Variants in R3HCC1L observed in about 807,000 individuals in gnomAD.
R3HCC1L encodes R3H domain and coiled-coil containing 1 like, also known as coiled-coil domain-containing protein R3HCC1L.
Under a neutral mutation model 59.9 loss-of-function variants are expected in R3HCC1L, and 51 were observed. The observed-to-expected ratio is 0.85, with a 90% CI of 0.68 to 1.07. The LOEUF (loss-of-function observed/expected upper bound fraction) is 1.07, where lower values mean the gene tolerates loss of function less well. Among genes scored for constraint, R3HCC1L ranks in the 50% least tolerant of loss-of-function variants. The probability of loss-of-function intolerance (pLI) is 0.00; values close to 1 mark genes in which losing one functional copy is unlikely to be tolerated. For missense variants in R3HCC1L, 965 were observed against 933.0 expected (o/e 1.03, Z -0.45); for synonymous variants, 322 against 315.2 (o/e 1.02, Z -0.23).
At chr10:98,175,364 A>G (rs1848907310) in intron 4 of R3HCC1L, among the ~76,000 whole-genome samples, 1 of 152,140 alleles carries the variant, frequency 6.6e-6, no homozygotes, top group Non-Finnish European at 1.5e-5. Context: ...CATAGAGTAC[A>G]TTTTGTGAAT....
intron 9 of R3HCC1L, among the ~76,000 whole-genome samples, chr10:98,242,066 C>T (rs1469186891): frequency 3.9e-5 from 6 of 152,090 alleles, no homozygotes; most frequent in Admixed American, 6.5e-5. Flanking sequence ...TGTTTCAGGC[C>T]GGGCACAGTG....
chr10:98,146,972 A>G (rs1845711875), intron 1 of R3HCC1L, among the ~76,000 whole-genome samples: 1 of 152,026 alleles, frequency 6.6e-6, no homozygotes, highest in Non-Finnish European at 1.5e-5. Context: ...TCATTTTTTG[A>G]GGAGCCTCCA....
At chr10:98,175,820 G>T (rs1307803891) in intron 4 of R3HCC1L, among the ~76,000 whole-genome samples, 1 of 151,980 alleles carries the variant, frequency 6.6e-6, no homozygotes, top group African/African-American at 2.4e-5. Context: ...TATTTTATGG[G>T]TCATGCTTTT....
At chr10:98,172,588 T>A (rs1237712660) in intron 4 of R3HCC1L, among the ~76,000 whole-genome samples, 1 of 152,198 alleles carries the variant, frequency 6.6e-6, no homozygotes, top group African/African-American at 2.4e-5. Flanking sequence ...CTGATAATGC[T>A]GCTTTCACCA....
chr10:98,201,881 ATTTTTTTTT>A (rs145665708), intron 4 of R3HCC1L, among the ~76,000 whole-genome samples: 2 of 143,346 alleles, frequency 1.4e-5, no homozygotes, highest in Non-Finnish European at 3.0e-5. Flanking sequence ...GAAAGATGAG[ATTTTTTTTT>A]TTTTTTTTTT....
At chr10:98,173,351 C>G (rs1430636031) in intron 4 of R3HCC1L, among the ~76,000 whole-genome samples, 1 of 152,140 alleles carries the variant, frequency 6.6e-6, no homozygotes, top group African/African-American at 2.4e-5. Context: ...TCCTTGACTG[C>G]TTTCTCTCAC....
intron 5 of R3HCC1L, among the ~76,000 whole-genome samples, chr10:98,222,273 T>C (rs1237113241): frequency 6.6e-6 from 1 of 152,116 alleles, no homozygotes; most frequent in Non-Finnish European, 1.5e-5. Flanking sequence ...CTTAAGGAGA[T>C]TTTGGGCTGA....
rs1188415948 is a variant in R3HCC1L, at chr10:98,153,022, C to G, written c.-267-3071C>G. Among the ~76,000 whole-genome samples, 4 of 150,826 alleles carry G rather than the reference C, an allele frequency of 2.7e-5. No individual in the cohort carries two copies. The South Asian group carries it at 8.4e-4, about 32-fold the overall frequency. ...GCCCGCCTCCGCCCGGCCGCCGCCC[C>G]GTCCGGGAGGTGGGGGGCGCCTCTG... On this transcript the variant is annotated intron_variant, in intron 1 of 9. Transcript: ENST00000298999.
intron 1 of R3HCC1L, among the ~76,000 whole-genome samples, chr10:98,148,690 T>C (rs1359763320): frequency 1.3e-5 from 2 of 152,220 alleles, no homozygotes; most frequent in African/African-American, 4.8e-5. Context: ...TCATGTTTAT[T>C]GATTTGCATA....
chr10:98,171,338 G>A (rs1848489421), intron 4 of R3HCC1L, among the ~76,000 whole-genome samples: 1 of 152,030 alleles, frequency 6.6e-6, no homozygotes, highest in African/African-American at 2.4e-5. Flanking sequence ...ATTCTTTAAT[G>A]TTTATTTGAA....
intron 5 of R3HCC1L, among the ~76,000 whole-genome samples, chr10:98,215,659 T>C (rs1854109061): frequency 6.6e-6 from 1 of 152,340 alleles, no homozygotes; most frequent in South Asian, 2.1e-4. Context: ...TTTGTACTTG[T>C]GTAGAGCTGT....
At chr10:98,167,555 A>G (rs181394160) in intron 4 of R3HCC1L, among the ~76,000 whole-genome samples, 2 of 152,392 alleles carry the variant, frequency 1.3e-5, no homozygotes, top group Non-Finnish European at 2.9e-5. Context: ...ACAAACATAC[A>G]TACAAAATAA....
chr10:98,209,721 CAG>C lies in R3HCC1L; in HGVS notation c.1608_1609del (p.Gly537GlufsTer10), dbSNP rs771903405. On this transcript the variant is annotated frameshift_variant, in exon 5 of 10. Transcript: ENST00000298999. LOFTEE classifies it high-confidence loss of function. ...TTCAAAACAGAAGAGCAAGATGACT[CAG>C]GGAGTATAGAATTTGGTGTATCTTT... 164 of 1,613,752 alleles carry C rather than the reference CAG, an allele frequency of 1.0e-4. No homozygotes were observed. Among genetic ancestry groups the C allele is most frequent in the Non-Finnish European group, 1.2e-4 (145 of 1,179,870 alleles).
intron 2 of R3HCC1L, among the ~76,000 whole-genome samples, chr10:98,160,009 A>C (rs1048069485): frequency 6.6e-6 from 1 of 152,218 alleles, no homozygotes; most frequent in African/African-American, 2.4e-5. Context: ...GTTTATACAG[A>C]TACCTCAGAT....
At chr10:98,235,850 TTG>T (rs1435244479) in intron 8 of R3HCC1L, among the ~76,000 whole-genome samples, 172 bp from the exon 9 acceptor site, 3 of 152,228 alleles carry the variant, frequency 2.0e-5, no homozygotes, top group South Asian at 2.1e-4. Context: ...CCAGGGTTGT[TTG>T]TGCTTTGCCA....
At chr10:98,234,764 A>G (rs1856736013) in intron 7 of R3HCC1L, among the ~76,000 whole-genome samples, 1 of 152,212 alleles carries the variant, frequency 6.6e-6, no homozygotes, top group Non-Finnish European at 1.5e-5. Flanking sequence ...GTCTGTCATG[A>G]TAGTACGTAA....
rs117781346 is a variant in R3HCC1L at position 98,150,009 on chromosome 10, C to T, written c.-267-6084C>T. On this transcript the variant is annotated intron_variant, in intron 1 of 9. Coordinates refer to ENST00000298999, the MANE Select transcript of R3HCC1L (RefSeq NM_001351015.2). Reference sequence around the variant, plus strand: ...ACTTGGCAGCGCTGGTCTTTTTTCTCCTTTAATTGTGTATCTTCAAATAGC... The same window carrying T: ...ACTTGGCAGCGCTGGTCTTTTTTCTTCTTTAATTGTGTATCTTCAAATAGC... Among the ~76,000 whole-genome samples, 1,352 of 152,232 alleles carry T rather than the reference C, an allele frequency of 8.9e-3. 11 individuals carry two copies. The highest frequency in any genetic ancestry group is 0.013 in the Non-Finnish European group (875 of 67,992).
At chr10:98,159,431 CT>C (rs1240461555) in intron 2 of R3HCC1L, among the ~76,000 whole-genome samples, 1 of 152,126 alleles carries the variant, frequency 6.6e-6, no homozygotes, top group Non-Finnish European at 1.5e-5. Flanking sequence ...GTCACAGTCC[CT>C]TTGTAATTTT....
chr10:98,201,351 A>T (rs1402169285), intron 4 of R3HCC1L, among the ~76,000 whole-genome samples: 1 of 152,224 alleles, frequency 6.6e-6, no homozygotes, highest in Non-Finnish European at 1.5e-5. Context: ...TTTGCATATC[A>T]TTTGAAGAGG....
Sources: allele counts gnomAD v4.1 joint callset (sites outside exome capture counted in the v4.1 genomes callset), GRCh38; gene constraint gnomAD v4.1.1; transcripts MANE v1.5; gene names NCBI Gene and HGNC (gene_info 2026-07-23, HGNC 2026-07-21).